Variants in EPB41L4B observed in about 807,000 individuals in gnomAD.
EPB41L4B encodes the protein band 4.1-like protein 4B.
A neutral mutation model predicts 112.5 loss-of-function variants in EPB41L4B; 30 were observed. That is an observed-to-expected ratio of 0.27 (90% CI 0.20 to 0.36). EPB41L4B has a LOEUF of 0.36. Ranked by LOEUF, EPB41L4B falls within the 10% of genes least tolerant of loss-of-function variation. The probability of loss-of-function intolerance (pLI) is 1.00; values close to 1 mark genes in which losing one functional copy is unlikely to be tolerated. For synonymous variants in EPB41L4B, 408 were observed against 439.7 expected (o/e 0.93, Z 0.90); for missense variants, 1,024 against 1,133.3 (o/e 0.90, Z 1.38).
chr9:109,226,614 A>ATATT (rs1833766288), intron 15 of EPB41L4B, among the ~76,000 whole-genome samples: 1 of 102,258 alleles, frequency 9.8e-6, no homozygotes, highest in African/African-American at 3.8e-5. Context: ...TTTCATATAT[A>ATATT]TATATATATA....
At chr9:109,231,386 T>C (rs1317478223) in intron 15 of EPB41L4B, among the ~76,000 whole-genome samples, 1 of 152,188 alleles carries the variant, frequency 6.6e-6, no homozygotes, top group African/African-American at 2.4e-5. Context: ...GGCATCTTCT[T>C]CAACATACCA....
rs553200475 is a variant in EPB41L4B at position 109,297,882 on chromosome 9, G to A, written c.307-17961C>T. On this transcript the variant is annotated intron_variant, in intron 1 of 25. Coordinates refer to ENST00000374566, the MANE Select transcript of EPB41L4B (RefSeq NM_019114.5). ...GTGTAAGATTTTCAAAAAGGTCAAT[G>A]AGTGGAAAAGCACATGAACTTTTTT... is the stretch of plus-strand genomic sequence containing the variant. 4.6e-5 allele frequency among the ~76,000 whole-genome samples: 7 copies of A among 152,356 alleles called. No homozygotes were observed. In the East Asian group the frequency reaches 1.4e-3, roughly 29 times the overall value.
intron 15 of EPB41L4B, chr9:109,241,526 T>C (rs2118959361): frequency 6.1e-6 from 9 of 1,478,324 alleles, no homozygotes; most frequent in Non-Finnish European, 8.0e-6. Context: ...AATATTTACA[T>C]GGACACCAAA....
intron 15 of EPB41L4B, chr9:109,240,795 C>G (rs781646654): frequency 1.0e-6 from 1 of 985,282 alleles, no homozygotes; most frequent in Non-Finnish European, 1.2e-6. Context: ...AAAAACCAAT[C>G]CCCCAATTCT....
intron 1 of EPB41L4B, among the ~76,000 whole-genome samples, chr9:109,311,787 G>A (rs1837422131): frequency 1.3e-5 from 2 of 152,172 alleles, no homozygotes; most frequent in Non-Finnish European, 2.9e-5. Context: ...GAAGAGCACT[G>A]GAAAATGAGT....
chr9:109,247,498 C>T (rs984244940), intron 14 of EPB41L4B, among the ~76,000 whole-genome samples: 1 of 152,060 alleles, frequency 6.6e-6, no homozygotes, highest in Non-Finnish European at 1.5e-5. Context: ...AACATATGTC[C>T]CTGATGCTTG....
At chr9:109,201,793 GAA>G (rs1460122906) in intron 19 of EPB41L4B, among the ~76,000 whole-genome samples, 1 of 152,152 alleles carries the variant, frequency 6.6e-6, no homozygotes, top group East Asian at 1.9e-4. Flanking sequence ...TAACTGGAGG[GAA>G]AGTCGAGGCC....
At chr9:109,313,124 T>G (rs377674936) in intron 1 of EPB41L4B, among the ~76,000 whole-genome samples, 3 of 152,014 alleles carry the variant, frequency 2.0e-5, no homozygotes, top group African/African-American at 7.2e-5. Flanking sequence ...CACACTTCAG[T>G]TGCTCACCCC....
At chr9:109,188,594 C>T (rs1313080337) in intron 22 of EPB41L4B, among the ~76,000 whole-genome samples, 1 of 152,260 alleles carries the variant, frequency 6.6e-6, no homozygotes, top group African/African-American at 2.4e-5. Context: ...GAAGGGGTAC[C>T]CTAATTTAAT....
intron 11 of EPB41L4B, among the ~76,000 whole-genome samples, chr9:109,254,910 C>T (rs1351892157): frequency 2.0e-5 from 3 of 152,212 alleles, no homozygotes; most frequent in Non-Finnish European, 4.4e-5. Flanking sequence ...ATGCAAAAGG[C>T]AATACAGTAG....
intron 15 of EPB41L4B, chr9:109,241,933 G>T: frequency 2.2e-6 from 2 of 898,464 alleles, no homozygotes; most frequent in Non-Finnish European, 3.5e-6. Flanking sequence ...AATGGGGATG[G>T]CTATGAATGG....
chr9:109,280,913 A>C (rs1836009040), intron 1 of EPB41L4B, among the ~76,000 whole-genome samples: 3 of 152,210 alleles, frequency 2.0e-5, no homozygotes, highest in Admixed American at 6.5e-5. Context: ...TAACTGCAGC[A>C]CTGGGTAACC....
intron 19 of EPB41L4B, among the ~76,000 whole-genome samples, chr9:109,200,634 A>G (rs1242852160): frequency 2.0e-5 from 3 of 152,190 alleles, no homozygotes; most frequent in South Asian, 2.1e-4. Flanking sequence ...CTGCCCCCCA[A>G]TATGAGGGGT....
At chr9:109,303,027 GC>G (rs1837034346) in intron 1 of EPB41L4B, among the ~76,000 whole-genome samples, 1 of 150,788 alleles carries the variant, frequency 6.6e-6, no homozygotes, top group South Asian at 2.1e-4. Flanking sequence ...GCTGCAGTGA[GC>G]CACGACCATG....
chr9:109,244,192 T>C (rs1156742662), intron 14 of EPB41L4B, among the ~76,000 whole-genome samples: 1 of 152,170 alleles, frequency 6.6e-6, no homozygotes, highest in African/African-American at 2.4e-5. Flanking sequence ...GGTTTTTTCT[T>C]TCTCTCTGGT....
chr9:109,243,083 T>C (rs1834408486), intron 15 of EPB41L4B, among the ~76,000 whole-genome samples: 1 of 151,894 alleles, frequency 6.6e-6, no homozygotes. Context: ...TAAGGAGTTG[T>C]GACAGCGACC....
rs1266910295 is a variant in EPB41L4B, at chr9:109,217,116, C to T, written c.1439G>A (p.Ser480Asn). The T allele has an allele frequency of 8.1e-6, 13 of 1,613,982 alleles. No homozygotes were observed. Among genetic ancestry groups the T allele is most frequent in the East Asian group, 2.2e-5 (1 of 44,896 alleles). ...AATGCCAAAAGGCAACCGGTCCGAG[C>T]TGCTAAGCACTGGGGAAGGGAGCGG... The part of the protein sequence containing the change: ...SYPLPSPVLS[S>N]SDRLPFGIEE... Residue 480 changes from serine (S) to asparagine (N), a missense_variant, in exon 16 of 26, where the codon AGC becomes AAC. Ser to Asn is a conservative substitution (Grantham distance 46). Transcript: ENST00000374566.
At chr9:109,239,428 C>T (rs1024664084) in intron 15 of EPB41L4B, among the ~76,000 whole-genome samples, 1 of 152,156 alleles carries the variant, frequency 6.6e-6, no homozygotes, top group Non-Finnish European at 1.5e-5. Context: ...GTTCACAGGA[C>T]AGTCTGGGTT....
intron 4 of EPB41L4B, 28 bp downstream of exon 4, chr9:109,267,445 C>A (rs373511082): frequency 6.6e-7 from 1 of 1,511,492 alleles, no homozygotes; most frequent in Non-Finnish European, 9.2e-7. Context: ...CCCTGCTGGG[C>A]GGGAGCTTGT....
Sources: allele counts gnomAD v4.1 joint callset (sites outside exome capture counted in the v4.1 genomes callset), GRCh38; gene constraint gnomAD v4.1.1; transcripts MANE v1.5; gene names NCBI Gene and HGNC (gene_info 2026-07-23, HGNC 2026-07-21).